UFM1: variants seen among roughly 807,000 people sequenced by gnomAD.
UFM1 encodes ubiquitin-fold modifier 1.
Under a neutral mutation model 15.4 loss-of-function variants are expected in UFM1, and 9 were observed. The observed-to-expected ratio is 0.59, with a 90% CI of 0.35 to 1.02. UFM1 has a LOEUF of 1.02. Ranked by LOEUF, UFM1 falls within the 50% of genes least tolerant of loss-of-function variation. UFM1 has a pLI of 0.02. For synonymous variants in UFM1, 27 were observed against 36.3 expected (o/e 0.74, Z 0.92); for missense variants, 98 against 104.7 (o/e 0.94, Z 0.28).
intron 5 of UFM1, 29 bp from the exon 6 acceptor site, chr13:38,360,681 TC>T (rs768789854): frequency 3.3e-6 from 5 of 1,519,692 alleles, no homozygotes; most frequent in Non-Finnish European, 4.5e-6. Context: ...TTTTTAGATA[TC>T]TAACTTTATG....
At chr13:38,353,011 G>A (rs1442363310) in intron 2 of UFM1, among the ~76,000 whole-genome samples, 1 of 152,050 alleles carries the variant, frequency 6.6e-6, no homozygotes, top group Non-Finnish European at 1.5e-5. Flanking sequence ...TTAAACAAAT[G>A]GCTATCCTTT....
chr13:38,354,424 A>G, intron 3 of UFM1, 128 bp downstream of exon 3: 1 of 653,874 alleles, frequency 1.5e-6, no homozygotes, highest in South Asian at 3.9e-5. Flanking sequence ...TATGTTATCA[A>G]AAAGTAGGAT....
In UFM1 at chr13:38,359,566, A is replaced by G; in HGVS notation, c.190+233A>G. On this transcript the variant is annotated intron_variant, in intron 5 of 5. Transcript: ENST00000239878. ...CAGAAAACCTAATAGTGGCTTAAGC[A>G]TTAAGAGTATTTATTATATATAACA... 8 of 369,504 alleles carry G rather than the reference A, an allele frequency of 2.2e-5. No individual in the cohort carries two copies. In the South Asian group the frequency reaches 4.0e-4, roughly 18 times the overall value. 22.9% of individuals were successfully genotyped at this position (369,504 alleles called of 1,614,324 possible). A position where few individuals can be genotyped will look rare whatever the true frequency, so the allele number is the denominator to read the frequency against.
chr13:38,361,021 A>C lies in UFM1; in HGVS notation c.*243A>C. The C allele has an allele frequency of 3.0e-6, 1 of 338,286 alleles. No individual in the cohort carries two copies. The highest frequency in any genetic ancestry group is 4.7e-5 in the East Asian group (1 of 21,420). The allele number at this position is 338,286 out of a possible 1,614,324, so 21.0% of individuals were successfully genotyped here. On this transcript the variant is annotated 3_prime_UTR_variant, in exon 6 of 6. Transcript: ENST00000239878. ...TTTGATGCTACCTCACAACACAAAC[A>C]GGTAGTTCGTTGGGGGCAAATGAAT... is the stretch of plus-strand genomic sequence containing the variant.
chr13:38,351,697 G>A (rs1428970317), intron 2 of UFM1, among the ~76,000 whole-genome samples: 1 of 152,180 alleles, frequency 6.6e-6, no homozygotes, highest in African/African-American at 2.4e-5. Context: ...GTACTCGAAA[G>A]AGAGCGTGAG....
chr13:38,357,645 T>G (rs920726287), intron 3 of UFM1, among the ~76,000 whole-genome samples: 1 of 152,054 alleles, frequency 6.6e-6, no homozygotes, highest in East Asian at 1.9e-4. Context: ...ACTTTACTAA[T>G]AGCCTACTGT....
At chr13:38,358,183 G>A (rs1879207637) in intron 4 of UFM1, 51 bp downstream of exon 4, 3 of 1,185,752 alleles carry the variant, frequency 2.5e-6, no homozygotes, top group Admixed American at 2.7e-5. Context: ...TAGAAATGGT[G>A]TAAAAGGAAC....
chr13:38,354,335 T>C (rs1356782224), intron 3 of UFM1, 39 bp downstream of exon 3: 1 of 1,572,538 alleles, frequency 6.4e-7, no homozygotes, highest in Admixed American at 1.7e-5. Flanking sequence ...TGGAATGCGG[T>C]TTGCCAATAT....
At chr13:38,355,342 A>G (rs972048745) in intron 3 of UFM1, among the ~76,000 whole-genome samples, 1 of 152,020 alleles carries the variant, frequency 6.6e-6, no homozygotes, top group African/African-American at 2.4e-5. Context: ...CTTCATGCAG[A>G]AAGAATAAGT....
At chr13:38,353,576 C>G (rs1238264742) in intron 2 of UFM1, among the ~76,000 whole-genome samples, 1 of 151,844 alleles carries the variant, frequency 6.6e-6, no homozygotes, top group African/African-American at 2.4e-5. Flanking sequence ...CTTTAAAATA[C>G]TTGCCGTTAT....
intron 3 of UFM1, 24 bp from the exon 4 acceptor site, chr13:38,358,069 A>ATTT: frequency 1.0e-6 from 1 of 969,052 alleles, no homozygotes; most frequent in Non-Finnish European, 1.4e-6. Context: ...ATATATATAT[A>ATTT]TATTTTTTTT....
intron 2 of UFM1, among the ~76,000 whole-genome samples, chr13:38,350,753 A>G (rs987519117): frequency 2.6e-5 from 4 of 152,212 alleles, no homozygotes; most frequent in Admixed American, 6.5e-5. Flanking sequence ...TGTAGCAAAG[A>G]ACAGGATTAC....
At position 38,358,072 on chromosome 13, in the gene UFM1, T is replaced by TA. The variant is rs368202830; in HGVS notation, c.118-21_118-20insA. The TA allele has an allele frequency of 2.2e-3, 2,334 of 1,075,260 alleles. 53 individuals carry two copies. The African/African-American group carries it at 0.046, about 21-fold the overall frequency. 66.6% of individuals were successfully genotyped at this position (1,075,260 alleles called of 1,614,324 possible). A position where few individuals can be genotyped will look rare whatever the true frequency, so the allele number is the denominator to read the frequency against. On this transcript the variant is annotated intron_variant, in intron 3 of 5. Transcript: ENST00000239878. The stretch of plus-strand genomic sequence containing the variant: ...GTGTGTGTGTGTATATATATATATA[T>TA]TTTTTTTTCCTTCTATTTAGTTTAA...
rs1336931758 is a variant in UFM1 at position 38,359,302 on chromosome 13, T to A, written c.159T>A (p.Asp53Glu). Residue 53 changes from aspartate to glutamate, a missense_variant and splice_region_variant, in exon 5 of 6, where the codon GAT becomes GAA. Physicochemically the swap from Asp to Glu is conservative, Grantham distance 45 (BLOSUM62 2). Coordinates refer to ENST00000239878, the MANE Select transcript of UFM1 (RefSeq NM_016617.4). ...GTGATTTTACAACTTATTTTCTAGA[T>A]GGAATAGGAATAAATCCTGCACAGA... ...PAATSAIITN[D>E]GIGINPAQTA... 1 of 1,609,656 alleles carries A rather than the reference T, an allele frequency of 6.2e-7. No homozygotes were observed. Among genetic ancestry groups the A allele is most frequent in the East Asian group, 2.2e-5 (1 of 44,694 alleles).
At chr13:38,359,419 G>T in intron 5 of UFM1, 86 bp downstream of exon 5, 1 of 1,450,290 alleles carries the variant, frequency 6.9e-7, no homozygotes, top group South Asian at 1.2e-5. Flanking sequence ...AATTACACTT[G>T]ACAGTATTTT....
intron 3 of UFM1, among the ~76,000 whole-genome samples, chr13:38,355,898 G>A (rs1879072412): frequency 6.6e-6 from 1 of 151,738 alleles, no homozygotes; most frequent in African/African-American, 2.4e-5. Flanking sequence ...TAAATCCCTC[G>A]TAAAATTGCC....
chr13:38,350,237 T>G (rs2140048179), intron 2 of UFM1, 182 bp downstream of exon 2: 1 of 1,602,848 alleles, frequency 6.2e-7, no homozygotes, highest in Middle Eastern at 1.7e-4. Flanking sequence ...GGTCCGTACT[T>G]GCTCGCTAAG....
Position 38,361,077 on chromosome 13 carries a change from A to AT in UFM1, c.*310dup, listed in dbSNP as rs895046201. The stretch of plus-strand genomic sequence containing the variant: ...AACTGTTAACTGGAAGCTTTTGATA[A>AT]TTTTTTTTTTTAGAACAATTTGGAA... On this transcript the variant is annotated 3_prime_UTR_variant, in exon 6 of 6. Transcript: ENST00000239878. 1,794 of 214,324 alleles carry AT rather than the reference A, an allele frequency of 8.4e-3. No homozygotes were observed. Among genetic ancestry groups the AT allele is most frequent in the Middle Eastern group, 0.015 (10 of 672 alleles). 13.3% of individuals were successfully genotyped at this position (214,324 alleles called of 1,614,324 possible).
At chr13:38,353,985 A>G (rs186403158) in intron 2 of UFM1, among the ~76,000 whole-genome samples, 4 of 152,088 alleles carry the variant, frequency 2.6e-5, no homozygotes, top group Non-Finnish European at 5.9e-5. Flanking sequence ...AAATATATAA[A>G]TCTACACCTT....
Sources: allele counts gnomAD v4.1 joint callset (sites outside exome capture counted in the v4.1 genomes callset), GRCh38; gene constraint gnomAD v4.1.1; transcripts MANE v1.5; gene names NCBI Gene and HGNC (gene_info 2026-07-23, HGNC 2026-07-21).